VDAC1: variants seen among roughly 807,000 people sequenced by gnomAD.
The protein encoded by VDAC1 is voltage dependent anion channel 1.
A neutral mutation model predicts 34.7 loss-of-function variants in VDAC1; 10 were observed. The observed-to-expected ratio is 0.29, with a 90% CI of 0.18 to 0.49. The LOEUF is 0.49. VDAC1 is among the 20% of genes least tolerant of loss of function. The pLI is 0.99. For missense variants in VDAC1, 230 were observed against 347.9 expected, an observed-to-expected ratio of 0.66 and a Z score of 2.69; for synonymous variants, 130 against 136.0, an observed-to-expected ratio of 0.96 and a Z score of 0.30.
chr5:133,985,440 G>A (rs1379361275), intron 5 of VDAC1, among the ~76,000 whole-genome samples: 3 of 152,176 alleles, frequency 2.0e-5, no homozygotes, highest in Non-Finnish European at 4.4e-5. Flanking sequence ...GATCACTTGA[G>A]GTCAGGAGTT....
At chr5:134,048,158 C>T in the VDAC1 span, among the ~76,000 whole-genome samples, 2 of 151,640 alleles carry the variant, frequency 1.3e-5, no homozygotes, top group South Asian at 2.1e-4. Context: ...TTAGTAGAGA[C>T]GGGGTTTCAC....
the VDAC1 span, among the ~76,000 whole-genome samples, chr5:134,083,476 C>T: frequency 0.02 from 3,052 of 152,280 alleles, 33 homozygotes; most frequent in Non-Finnish European, 0.032. Context: ...AGGCATGAGC[C>T]ACTGTGCCCA....
chr5:134,022,415 C>T, the VDAC1 span, among the ~76,000 whole-genome samples: 2 of 152,160 alleles, frequency 1.3e-5, no homozygotes, highest in South Asian at 2.1e-4. Context: ...CTGGCGAGGG[C>T]CTTCTTGTGT....
chr5:134,050,462 G>GC, the VDAC1 span, among the ~76,000 whole-genome samples: 5 of 151,974 alleles, frequency 3.3e-5, no homozygotes, highest in East Asian at 3.9e-4. Flanking sequence ...ACACTTCCAA[G>GC]CCCCCCCAGC....
chr5:134,085,540 G>A, the VDAC1 span, among the ~76,000 whole-genome samples: 1 of 151,380 alleles, frequency 6.6e-6, no homozygotes, highest in Non-Finnish European at 1.5e-5. Flanking sequence ...TACCTTATCT[G>A]TAAAATGGGC....
the VDAC1 span, among the ~76,000 whole-genome samples, chr5:134,103,812 G>A: frequency 6.6e-6 from 1 of 152,232 alleles, no homozygotes; most frequent in Non-Finnish European, 1.5e-5. Flanking sequence ...GTAGCAGGAG[G>A]AGCGGGGGCA....
At chr5:134,102,320 T>TC in the VDAC1 span, among the ~76,000 whole-genome samples, 16 of 140,322 alleles carry the variant, frequency 1.1e-4, no homozygotes, top group African/African-American at 3.2e-4. Flanking sequence ...CCCCAGCCCA[T>TC]CCCCCCACCC....
the VDAC1 span, among the ~76,000 whole-genome samples, chr5:134,048,969 AATC>A: frequency 9.9e-5 from 15 of 152,206 alleles, no homozygotes; most frequent in Non-Finnish European, 2.1e-4. Flanking sequence ...AAGTAATAAT[AATC>A]ATGATATGTG....
At chr5:134,041,067 C>T in the VDAC1 span, among the ~76,000 whole-genome samples, 1 of 152,180 alleles carries the variant, frequency 6.6e-6, no homozygotes, top group Non-Finnish European at 1.5e-5. Flanking sequence ...GGATCCAGTT[C>T]AGTTGTTCTG....
chr5:134,055,749 C>G, the VDAC1 span, among the ~76,000 whole-genome samples: 37 of 53,394 alleles, frequency 6.9e-4, no homozygotes, highest in Middle Eastern at 0.021. Context: ...TTTTAATTGT[C>G]TTTTTTTCTT....
the VDAC1 span, among the ~76,000 whole-genome samples, chr5:134,110,065 C>G: frequency 6.6e-6 from 1 of 152,172 alleles, no homozygotes; most frequent in African/African-American, 2.4e-5. Context: ...GTGAGGGAAC[C>G]CCAAACCCAT....
At chr5:134,088,944 G>C in the VDAC1 span, among the ~76,000 whole-genome samples, 2,134 of 152,328 alleles carry the variant, frequency 0.014, 60 homozygotes, top group East Asian at 0.11. Flanking sequence ...TATGCTGAAG[G>C]TTCATCCACG....
At chr5:133,989,008 T>C (rs2126961918) in intron 5 of VDAC1, 1 of 152,278 alleles carries the variant, frequency 6.6e-6, no homozygotes, top group Non-Finnish European at 1.5e-5. Flanking sequence ...CATGGCAGAG[T>C]TCCTGGGGGG....
At chr5:134,030,118 A>T in the VDAC1 span, among the ~76,000 whole-genome samples, 1 of 152,110 alleles carries the variant, frequency 6.6e-6, no homozygotes, top group Non-Finnish European at 1.5e-5. Context: ...AGGCTGGTGG[A>T]TCACCTGAGG....
At chr5:134,045,065 CT>C in the VDAC1 span, among the ~76,000 whole-genome samples, 1 of 152,252 alleles carries the variant, frequency 6.6e-6, no homozygotes, top group African/African-American at 2.4e-5. Flanking sequence ...AGTTCCATTC[CT>C]TGTGCTTCCC....
the VDAC1 span, among the ~76,000 whole-genome samples, chr5:134,020,778 G>C: frequency 1.3e-5 from 2 of 151,968 alleles, no homozygotes; most frequent in Admixed American, 6.6e-5. Flanking sequence ...CCGGGTTCAC[G>C]CCATTCTCCT....
the VDAC1 span, among the ~76,000 whole-genome samples, chr5:134,019,172 A>T: frequency 6.6e-6 from 1 of 152,190 alleles, no homozygotes; most frequent in Non-Finnish European, 1.5e-5. Flanking sequence ...TCGTGTTAAC[A>T]AAAAACAAGC....
chr5:134,110,013 A>C, the VDAC1 span, among the ~76,000 whole-genome samples: 1 of 152,298 alleles, frequency 6.6e-6, no homozygotes, highest in Middle Eastern at 3.4e-3. Context: ...CTCTGACTCT[A>C]GACTCCTTCC....
intron 1 of VDAC1, among the ~76,000 whole-genome samples, chr5:133,994,645 C>G (rs1482809556): frequency 6.6e-6 from 1 of 152,192 alleles, no homozygotes; most frequent in Non-Finnish European, 1.5e-5. Context: ...TCAAGAAATA[C>G]CCTTTACCTG....
Sources: allele counts gnomAD v4.1 joint callset (sites outside exome capture counted in the v4.1 genomes callset), GRCh38; gene constraint gnomAD v4.1.1; transcripts MANE v1.5; gene names NCBI Gene and HGNC (gene_info 2026-07-23, HGNC 2026-07-21).